GRK5: variants seen among roughly 807,000 people sequenced by gnomAD.
GRK5 encodes the protein G protein-coupled receptor kinase 5.
GRK5 carries 40 observed loss-of-function variants against 78.4 expected under a neutral mutation model. That is an observed-to-expected ratio of 0.51 (90% CI 0.40 to 0.66). GRK5 has a LOEUF of 0.66. Ranked by LOEUF, GRK5 falls within the 30% of genes least tolerant of loss-of-function variation. GRK5 has a pLI of 0.00. For synonymous variants in GRK5, 289 were observed against 296.8 expected, an observed-to-expected ratio of 0.97 and a Z score of 0.27; for missense variants, 598 against 759.9, an observed-to-expected ratio of 0.79 and a Z score of 2.50.
intron 2 of GRK5, among the ~76,000 whole-genome samples, chr10:119,355,608 T>A (rs1259735075): frequency 6.6e-6 from 1 of 152,164 alleles, no homozygotes; most frequent in Non-Finnish European, 1.5e-5. Flanking sequence ...GCGAAACCCC[T>A]GTCTCTATTA....
chr10:119,427,365 C>G (rs1246831411), intron 6 of GRK5, among the ~76,000 whole-genome samples: 1 of 149,620 alleles, frequency 6.7e-6, no homozygotes, highest in African/African-American at 2.5e-5. Context: ...AGCATCATCA[C>G]CATCATCAGC....
At chr10:119,311,316 T>TCCAAC (rs1850355726) in intron 1 of GRK5, among the ~76,000 whole-genome samples, 1 of 152,114 alleles carries the variant, frequency 6.6e-6, no homozygotes, top group Non-Finnish European at 1.5e-5. Context: ...AAGTCTGCAT[T>TCCAAC]CCAACGGGAG....
intron 2 of GRK5, among the ~76,000 whole-genome samples, chr10:119,341,528 C>T (rs1418108149): frequency 6.6e-6 from 1 of 152,196 alleles, no homozygotes; most frequent in African/African-American, 2.4e-5. Context: ...TCATAGGTCA[C>T]CTCCTCCAGG....
chr10:119,316,309 G>A (rs1850485730), intron 1 of GRK5, among the ~76,000 whole-genome samples: 1 of 152,220 alleles, frequency 6.6e-6, no homozygotes, highest in South Asian at 2.1e-4. Flanking sequence ...TTTGCTCCTT[G>A]AGCCTTTGGA....
chr10:119,363,279 CAAA>C (rs373115186), intron 2 of GRK5, among the ~76,000 whole-genome samples: 1 of 130,474 alleles, frequency 7.7e-6, no homozygotes, highest in African/African-American at 2.8e-5. Flanking sequence ...GAAACTGTCT[CAAA>C]AAAAAAAAAA....
rs537844336 is a variant in GRK5, at chr10:119,392,694, G to A, written c.262-4001G>A. Among the ~76,000 whole-genome samples, 10 of 151,804 alleles carry A rather than the reference G, an allele frequency of 6.6e-5. No individual in the cohort carries two copies. The South Asian group carries it at 1.2e-3, about 19-fold the overall frequency. On this transcript the variant is annotated intron_variant, in intron 3 of 15. Coordinates refer to ENST00000392870, the MANE Select transcript of GRK5 (RefSeq NM_005308.3). ...GCTGGGATTACAGGTGTGAACCACC[G>A]CCCCTGGCTAAGAGAGCTTTAAATG...
intron 1 of GRK5, among the ~76,000 whole-genome samples, chr10:119,227,988 T>C (rs1032430888): frequency 2.0e-5 from 3 of 152,148 alleles, no homozygotes; most frequent in African/African-American, 4.8e-5. Flanking sequence ...AGCGTACCAA[T>C]GACGTGCAGG....
chr10:119,383,711 C>T (rs560114157), intron 3 of GRK5, among the ~76,000 whole-genome samples: 2 of 152,304 alleles, frequency 1.3e-5, no homozygotes, highest in South Asian at 4.1e-4. Context: ...TAGTGGGGGC[C>T]TCTCCAGGTT....
chr10:119,269,772 G>T (rs1182381832), intron 1 of GRK5, among the ~76,000 whole-genome samples: 1 of 149,830 alleles, frequency 6.7e-6, no homozygotes, highest in Admixed American at 6.7e-5. Flanking sequence ...GGCGGAGGTT[G>T]CAGTGAGCTG....
intron 4 of GRK5, among the ~76,000 whole-genome samples, chr10:119,415,005 C>A (rs1271303860): frequency 3.5e-5 from 5 of 142,694 alleles, no homozygotes; most frequent in African/African-American, 1.3e-4. Flanking sequence ...TAACTTGAAC[C>A]TGGGAGGTGG....
At chr10:119,410,258 A>G (rs951931060) in intron 4 of GRK5, among the ~76,000 whole-genome samples, 6 of 152,064 alleles carry the variant, frequency 3.9e-5, no homozygotes, top group African/African-American at 1.2e-4. Flanking sequence ...TTTCCTTCTC[A>G]TTAAAGTTGC....
intron 4 of GRK5, chr10:119,406,545 C>T (rs994686921): frequency 1.9e-5 from 17 of 882,638 alleles, no homozygotes; most frequent in Non-Finnish European, 2.3e-5. Context: ...GGCTCTTCAT[C>T]TCTACTGAGA....
rs1849579552 is a variant in GRK5 at position 119,271,274 on chromosome 10, T to C, written c.53-55242T>C. On this transcript the variant is annotated intron_variant, in intron 1 of 15. Coordinates refer to ENST00000392870, the MANE Select transcript of GRK5 (RefSeq NM_005308.3). The surrounding 1 kb of genome is among the most constrained non-coding windows in gnomAD (Gnocchi z 4.1). Reference sequence around the variant, plus strand: ...CCCTCTCAGACACGCCTGGCCTCTTTAGAGGCTCTCTCATCCCCTCGAGCT... The same window carrying C: ...CCCTCTCAGACACGCCTGGCCTCTTCAGAGGCTCTCTCATCCCCTCGAGCT... 6.6e-6 allele frequency among the ~76,000 whole-genome samples: 1 copy of C among 152,168 alleles called. No individual in the cohort carries two copies. The highest frequency in any genetic ancestry group is 1.5e-5 in the Non-Finnish European group (1 of 68,016).
intron 4 of GRK5, among the ~76,000 whole-genome samples, chr10:119,409,665 G>A (rs568640559): frequency 1.3e-5 from 2 of 152,278 alleles, no homozygotes; most frequent in South Asian, 2.1e-4. Context: ...GCTGAGGTGA[G>A]GGGCAGGTTC....
At chr10:119,394,086 T>C (rs1851935213) in intron 3 of GRK5, among the ~76,000 whole-genome samples, 2 of 120,174 alleles carry the variant, frequency 1.7e-5, no homozygotes, top group Non-Finnish European at 3.5e-5. Flanking sequence ...TGTGTGTGGG[T>C]ATCTGTGTGT....
At chr10:119,288,857 G>A (rs1849903744) in intron 1 of GRK5, among the ~76,000 whole-genome samples, 1 of 152,214 alleles carries the variant, frequency 6.6e-6, no homozygotes, top group South Asian at 2.1e-4. Context: ...GCGGAACATG[G>A]TGTCTGAGCT....
At chr10:119,440,438 C>T (rs1000262086) in intron 10 of GRK5, among the ~76,000 whole-genome samples, 1 of 151,666 alleles carries the variant, frequency 6.6e-6, no homozygotes, top group Non-Finnish European at 1.5e-5. Context: ...AGTGCAATGG[C>T]GTGATCTCGG....
intron 1 of GRK5, among the ~76,000 whole-genome samples, chr10:119,220,237 T>C (rs4751702): frequency 0.91 from 138,839 of 152,246 alleles, 63,331 homozygotes; most frequent in Non-Finnish European, 0.92. Flanking sequence ...GCCGCACACT[T>C]ATTCTCCAAA....
In GRK5 at chr10:119,378,743, A is replaced by G. The variant is rs1447864093; in HGVS notation, c.149-2072A>G. The stretch of plus-strand genomic sequence containing the variant: ...GCCCTCGGCTGACCAGTCATCCCCA[A>G]GAACCCTGCTGGCATCCCAGGGAAC... On this transcript the variant is annotated intron_variant, in intron 2 of 15. Coordinates refer to ENST00000392870, the MANE Select transcript of GRK5 (RefSeq NM_005308.3). This position sits in a 1 kb window ranked among gnomAD's most constrained non-coding sequence, Gnocchi z 4.5. Among the ~76,000 whole-genome samples the G allele has an allele frequency of 6.6e-6, 1 of 152,248 alleles. No homozygotes were observed. Among genetic ancestry groups the G allele is most frequent in the African/African-American group, 2.4e-5 (1 of 41,476 alleles).
Sources: allele counts gnomAD v4.1 joint callset (sites outside exome capture counted in the v4.1 genomes callset), GRCh38; gene constraint gnomAD v4.1.1; non-coding constraint Gnocchi (gnomAD v3.1); transcripts MANE v1.5; gene names NCBI Gene and HGNC (gene_info 2026-07-23, HGNC 2026-07-21).